METTL21A: variants seen among roughly 807,000 people sequenced by gnomAD.
The protein encoded by METTL21A is protein N-lysine methyltransferase METTL21A.
In METTL21A, 22 loss-of-function variants were observed where a neutral mutation model predicts 20.9. That is an observed-to-expected ratio of 1.05 (90% CI 0.75 to 1.50). The LOEUF is 1.50. METTL21A is among the 40% of genes most tolerant of loss of function. The pLI is 0.00. For synonymous variants in METTL21A, 93 were observed against 102.0 expected, an observed-to-expected ratio of 0.91 and a Z score of 0.53; for missense variants, 271 against 266.8, an observed-to-expected ratio of 1.02 and a Z score of -0.11.
At chr2:207,586,313 T>C (rs926856648) in intron 3 of METTL21A, among the ~76,000 whole-genome samples, 6 of 152,072 alleles carry the variant, frequency 3.9e-5, no homozygotes, top group Non-Finnish European at 7.4e-5. Context: ...AGAACATACA[T>C]TGGGGAAAGG....
chr2:207,582,098 T>A (rs2083040616), exon 4 of METTL21A: 2 of 702,736 alleles, frequency 2.8e-6, no homozygotes, highest in Admixed American at 4.0e-5. Flanking sequence ...TCTCCACTGT[T>A]GAGCTACCAT....
exon 4 of METTL21A, chr2:207,582,064 C>G: frequency 1.4e-6 from 1 of 700,474 alleles, no homozygotes; most frequent in Non-Finnish European, 2.6e-6. Flanking sequence ...ACTTTGATCA[C>G]TTGGTTAAAG....
rs570632535 is a variant in METTL21A, at chr2:207,596,069, AGT to A, written c.260-13911_260-13910del. On this transcript the variant is annotated intron_variant, in intron 3 of 3. Coordinates refer to the METTL21A transcript ENST00000425132. Reference sequence around the variant, plus strand: ...ATTACTGCCAAATCCAATGTCAGAGAGTGTTTTCTTCTAGAAGTTTTATAGTT... The same window carrying A: ...ATTACTGCCAAATCCAATGTCAGAGAGTTTTCTTCTAGAAGTTTTATAGTT... Among the ~76,000 whole-genome samples, 39 of 152,234 alleles carry A rather than the reference AGT, an allele frequency of 2.6e-4. No homozygotes were observed. In the South Asian group the frequency reaches 8.1e-3, roughly 32 times the overall value.
intron 2 of METTL21A, among the ~76,000 whole-genome samples, chr2:207,623,064 C>A (rs1247259558): frequency 6.6e-6 from 1 of 152,030 alleles, no homozygotes; most frequent in African/African-American, 2.4e-5. Context: ...TGCGCCACCA[C>A]GGCTAATTTT....
chr2:207,617,298 G>A (rs1368555623), intron 3 of METTL21A, among the ~76,000 whole-genome samples: 1 of 152,216 alleles, frequency 6.6e-6, no homozygotes, highest in Non-Finnish European at 1.5e-5. Context: ...GTGATGCAGT[G>A]TGGGAAGAAA....
At chr2:207,604,016 C>T (rs2087604453) in intron 3 of METTL21A, among the ~76,000 whole-genome samples, 1 of 152,176 alleles carries the variant, frequency 6.6e-6, no homozygotes, top group South Asian at 2.1e-4. Flanking sequence ...CATTTATTTT[C>T]TGCAACAACG....
exon 4 of METTL21A, chr2:207,613,036 T>C (rs1213371918): frequency 1.3e-6 from 2 of 1,538,292 alleles, no homozygotes; most frequent in East Asian, 2.3e-5. Context: ...TTCTTATAAA[T>C]TATAGCCAAT....
intron 3 of METTL21A, among the ~76,000 whole-genome samples, chr2:207,594,991 CTTTTTTTT>C (rs751274446): frequency 4.2e-5 from 5 of 118,824 alleles, no homozygotes; most frequent in African/African-American, 1.6e-4. Flanking sequence ...TGTTGAGCAT[CTTTTTTTT>C]TTTTTTTTTT....
At chr2:207,602,557 C>T (rs1226550605) in intron 3 of METTL21A, 1 of 211,000 alleles carries the variant, frequency 4.7e-6, no homozygotes, top group Non-Finnish European at 9.6e-6. Flanking sequence ...GAGAGTAAAT[C>T]TGAGTTAGCT....
At chr2:207,602,263 G>C (rs1304876962) in intron 3 of METTL21A, 2 of 187,728 alleles carry the variant, frequency 1.1e-5, no homozygotes, top group Non-Finnish European at 2.2e-5. Context: ...AAATAAAATA[G>C]AACAAAGCCG....
At chr2:207,615,909 A>G (rs1270762935) in intron 3 of METTL21A, among the ~76,000 whole-genome samples, 4 of 151,368 alleles carry the variant, frequency 2.6e-5, no homozygotes. Context: ...CTCTTCTATG[A>G]TTGTTTTTTT....
At chr2:207,606,431 G>A (rs569431093), downstream of METTL21A, among the ~76,000 whole-genome samples, 43 of 152,250 alleles carry the variant, frequency 2.8e-4, no homozygotes, top group Admixed American at 1.3e-3. Context: ...GCAGTGAGCC[G>A]AGATTGCGCC....
intron 3 of METTL21A, chr2:207,596,828 T>C: frequency 6.7e-6 from 10 of 1,503,084 alleles, no homozygotes; most frequent in Non-Finnish European, 8.1e-6. Flanking sequence ...GTGAGCTATT[T>C]CTTTAAAAAA....
chr2:207,599,042 A>G (rs1380188534), intron 3 of METTL21A: 2 of 187,468 alleles, frequency 1.1e-5, no homozygotes, highest in Non-Finnish European at 1.1e-5. Flanking sequence ...TGTAAATGGT[A>G]TATTTTCGTT....
chr2:207,584,561 C>T (rs527613886), intron 3 of METTL21A, among the ~76,000 whole-genome samples: 1 of 152,202 alleles, frequency 6.6e-6, no homozygotes, highest in Middle Eastern at 3.4e-3. Flanking sequence ...CCTGCCACCA[C>T]GTCTGATTTT....
rs372171750 is a variant in METTL21A, at chr2:207,591,746, T to C, written c.260-9586A>G. Among the ~76,000 whole-genome samples, 79 of 152,278 alleles carry C rather than the reference T, an allele frequency of 5.2e-4. 2 individuals carry two copies. The South Asian group carries it at 0.016, about 30-fold the overall frequency. On this transcript the variant is annotated intron_variant, in intron 3 of 3. Transcript: ENST00000425132. ...CCATTCCCAGCCTCCTTTTGATTAG[T>C]ATTTGCATAATATATATCCTTCTCC...
intron 3 of METTL21A, among the ~76,000 whole-genome samples, chr2:207,588,406 T>C (rs775332621): frequency 2.6e-5 from 4 of 152,232 alleles, no homozygotes; most frequent in Non-Finnish European, 5.9e-5. Flanking sequence ...GTCTGTCCTT[T>C]AGCCAATACC....
chr2:207,598,857 AAT>A (rs565499009), intron 3 of METTL21A: 55 of 175,280 alleles, frequency 3.1e-4, no homozygotes, highest in South Asian at 1.0e-3. Context: ...AAATAAAAAA[AAT>A]GTCTCATTTG....
chr2:207,605,391 T>C (rs535855298), downstream of METTL21A, among the ~76,000 whole-genome samples: 3 of 152,364 alleles, frequency 2.0e-5, no homozygotes, highest in South Asian at 4.1e-4. Context: ...CCTTTGTTCA[T>C]TGAAATTTTG....
Sources: allele counts gnomAD v4.1 joint callset (sites outside exome capture counted in the v4.1 genomes callset), GRCh38; gene constraint gnomAD v4.1.1; transcripts MANE v1.5; gene names NCBI Gene and HGNC (gene_info 2026-07-23, HGNC 2026-07-21).